INHBA: variants seen among roughly 807,000 people sequenced by gnomAD.
INHBA encodes inhibin beta A chain.
In INHBA, 1 loss-of-function variant was observed where a neutral mutation model predicts 29.0. The observed-to-expected ratio is 0.03, with a 90% CI of 0.01 to 0.16. The LOEUF is 0.16. Among genes scored for constraint, INHBA ranks in the 10% least tolerant of loss-of-function variants. INHBA has a pLI of 1.00. For synonymous variants in INHBA, 242 were observed against 216.8 expected, an observed-to-expected ratio of 1.12 and a Z score of -1.02; for missense variants, 376 against 545.4, an observed-to-expected ratio of 0.69 and a Z score of 3.09.
rs1033176321 is a variant in INHBA, at chr7:41,685,296, A to C, written c.*4354T>G. 6.6e-5 allele frequency: 10 copies of C among 152,162 alleles called. No homozygotes were observed. Among genetic ancestry groups the C allele is most frequent in the Non-Finnish European group, 8.8e-5 (6 of 67,986 alleles). 9.4% of individuals were successfully genotyped at this position (152,162 alleles called of 1,614,324 possible). ...ACACATGAAAACATATCAAACTGTT[A>C]TCTCTTTAAACATATTGTAAATAAA... On this transcript the variant is annotated 3_prime_UTR_variant, in exon 3 of 3. Transcript: ENST00000242208.
rs1794421524 is a variant in INHBA, at chr7:41,687,900, C to G, written c.*1750G>C. ...ACACTAAGTTGGAAAAACATCAGCC[C>G]AGAGTTTTGATTATCATCCTGTTTT... On this transcript the variant is annotated 3_prime_UTR_variant, in exon 3 of 3. Transcript: ENST00000242208. 6.6e-6 allele frequency: 1 copy of G among 152,076 alleles called. No homozygotes were observed. The highest frequency in any genetic ancestry group is 2.4e-5 in the African/African-American group (1 of 41,416). The allele number at this position is 152,076 out of a possible 1,614,324, so 9.4% of individuals were successfully genotyped here.
rs899635685 is a variant in INHBA, at chr7:41,688,543, A to T, written c.*1107T>A. The T allele has an allele frequency of 3.3e-5, 5 of 151,334 alleles. No individual in the cohort carries two copies. Among genetic ancestry groups the T allele is most frequent in the Non-Finnish European group, 4.4e-5 (3 of 67,848 alleles). 9.4% of individuals were successfully genotyped at this position (151,334 alleles called of 1,614,324 possible). A position where few individuals can be genotyped will look rare whatever the true frequency, so the allele number is the denominator to read the frequency against. ...TTTTAAGGTACAAAATAATAATAAT[A>T]ATTATAATTATAATAATAAAAATAG... On this transcript the variant is annotated 3_prime_UTR_variant, in exon 3 of 3. Transcript: ENST00000242208.
At chr7:41,694,813 G>C (rs1328350014) in intron 2 of INHBA, among the ~76,000 whole-genome samples, 1 of 151,968 alleles carries the variant, frequency 6.6e-6, no homozygotes, top group East Asian at 1.9e-4. Flanking sequence ...GAGAGAAAAA[G>C]AGGTGCAGAA....
At position 41,686,348 on chromosome 7, in the gene INHBA, A is replaced by G. The variant is rs1583588491; in HGVS notation, c.*3302T>C. 6.6e-6 allele frequency: 1 copy of G among 152,160 alleles called. No individual in the cohort carries two copies. The highest frequency in any genetic ancestry group is 2.1e-4 in the South Asian group (1 of 4,830). The allele number at this position is 152,160 out of a possible 1,614,324, so 9.4% of individuals were successfully genotyped here. On this transcript the variant is annotated 3_prime_UTR_variant, in exon 3 of 3. Transcript: ENST00000242208. ...GGTGTGGGCAGATTTTTAAGAGCCT[A>G]GAGTTTAGTCTTAGAGAAAGAGTGA...
rs1211954640 is a variant in INHBA at position 41,686,929 on chromosome 7, A to G, written c.*2721T>C. ...CTGTTTCTGCAGGTTCCGGTACCAAAGAAGATGCAGTTCAAAATACTGCCA... is the reference window on the plus strand; with the variant it reads ...CTGTTTCTGCAGGTTCCGGTACCAAGGAAGATGCAGTTCAAAATACTGCCA... On this transcript the variant is annotated 3_prime_UTR_variant, in exon 3 of 3. Coordinates refer to ENST00000242208, the MANE Select transcript of INHBA (RefSeq NM_002192.4). The G allele has an allele frequency of 6.6e-6, 1 of 152,204 alleles. No individual in the cohort carries two copies. The highest frequency in any genetic ancestry group is 1.5e-5 in the Non-Finnish European group (1 of 68,038). The allele number at this position is 152,204 out of a possible 1,614,324, so 9.4% of individuals were successfully genotyped here.
At chr7:41,704,127 T>C (rs1036497432), upstream of INHBA, among the ~76,000 whole-genome samples, 1 of 152,220 alleles carries the variant, frequency 6.6e-6, no homozygotes, top group African/African-American at 2.4e-5. Context: ...TGTTGTTTTG[T>C]ATGCAGGATT....
intron 2 of INHBA, among the ~76,000 whole-genome samples, chr7:41,697,774 A>C (rs913836620): frequency 2.6e-5 from 4 of 152,240 alleles, no homozygotes; most frequent in Non-Finnish European, 5.9e-5. Flanking sequence ...TATTTGCTAC[A>C]ATCATTTGGA....
At chr7:41,701,717 G>A (rs1794800854) in intron 1 of INHBA, among the ~76,000 whole-genome samples, 1 of 152,124 alleles carries the variant, frequency 6.6e-6, no homozygotes, top group Non-Finnish European at 1.5e-5. Context: ...TAAAAAGAGT[G>A]CACTCGTATG....
At chr7:41,698,933 A>G (rs1287128406) in intron 2 of INHBA, among the ~76,000 whole-genome samples, 1 of 152,250 alleles carries the variant, frequency 6.6e-6, no homozygotes. Context: ...CATTCCTTTC[A>G]AATGGAGTTG....
intron 2 of INHBA, among the ~76,000 whole-genome samples, chr7:41,693,397 G>A (rs1013587016): frequency 1.3e-5 from 2 of 152,218 alleles, no homozygotes; most frequent in Non-Finnish European, 2.9e-5. Context: ...GACTACAGAT[G>A]TTTAGGTGGG....
At position 41,687,618 on chromosome 7, in the gene INHBA, T is replaced by G. The variant is rs532550177; in HGVS notation, c.*2032A>C. ...ACACATGAAGAATTTTGGCTGTAAATTAAAATTTTAGAGATTTTTACTACT... is the reference window on the plus strand; with the variant it reads ...ACACATGAAGAATTTTGGCTGTAAAGTAAAATTTTAGAGATTTTTACTACT... On this transcript the variant is annotated 3_prime_UTR_variant, in exon 3 of 3. Coordinates refer to ENST00000242208, the MANE Select transcript of INHBA (RefSeq NM_002192.4). 1.4e-4 allele frequency: 21 copies of G among 152,274 alleles called. No homozygotes were observed. Among genetic ancestry groups the G allele is most frequent in the African/African-American group, 5.1e-4 (21 of 41,552 alleles). The allele number at this position is 152,274 out of a possible 1,614,324, so 9.4% of individuals were successfully genotyped here. A position where few individuals can be genotyped will look rare whatever the true frequency, so the allele number is the denominator to read the frequency against.
At chr7:41,703,790 C>CA (rs751910495), upstream of INHBA, among the ~76,000 whole-genome samples, 6 of 151,446 alleles carry the variant, frequency 4.0e-5, no homozygotes, top group Admixed American at 6.6e-5. Context: ...CACACACACA[C>CA]ACAACAACAA....
intron 2 of INHBA, among the ~76,000 whole-genome samples, chr7:41,698,656 G>C (rs972488797): frequency 6.6e-6 from 1 of 152,198 alleles, no homozygotes; most frequent in Admixed American, 6.5e-5. Context: ...TCTGGTGAGA[G>C]AGCCAAACTG....
chr7:41,702,755 G>A (rs891111806), intron 1 of INHBA, among the ~76,000 whole-genome samples: 11 of 152,150 alleles, frequency 7.2e-5, no homozygotes, highest in Non-Finnish European at 1.5e-4. Flanking sequence ...TACTGTTTGC[G>A]AATGTAACTC....
At chr7:41,695,395 G>A (rs893254691) in intron 2 of INHBA, among the ~76,000 whole-genome samples, 2 of 152,114 alleles carry the variant, frequency 1.3e-5, no homozygotes, top group African/African-American at 4.8e-5. Context: ...CAATGGTAAG[G>A]GTATACACAA....
At position 41,689,806 on chromosome 7, in the gene INHBA, G is replaced by A. The variant is rs142415940; in HGVS notation, c.1125C>T (p.His375=). 619 of 1,614,176 alleles carry A rather than the reference G, an allele frequency of 3.8e-4. 2 individuals carry two copies. The African/African-American group carries it at 7.5e-3, about 20-fold the overall frequency. Residue 375 remains histidine, a synonymous_variant, in exon 3 of 3, where the codon CAC becomes CAT. Transcript: ENST00000242208. ...AGGGGCTATGGCCCCGCATGCGGTA[G>A]TGGTTGATGACTGTTGAGTGGAAGG... is the stretch of plus-strand genomic sequence containing the variant. ...SLSFHSTVIN[H]YRMRGHSPFA...
chr7:41,703,404 G>A (rs573745911), upstream of INHBA, among the ~76,000 whole-genome samples: 5 of 152,162 alleles, frequency 3.3e-5, no homozygotes, highest in Admixed American at 2.0e-4. Context: ...TCGCACACAC[G>A]TCTCGTTATA....
At position 41,700,234 on chromosome 7, in the gene INHBA, T is replaced by C; in HGVS notation, c.141A>G (p.Val47=). The C allele has an allele frequency of 6.2e-7, 1 of 1,613,546 alleles. No individual in the cohort carries two copies. Among genetic ancestry groups the C allele is most frequent in the Non-Finnish European group, 8.5e-7 (1 of 1,179,626 alleles). Residue 47 remains valine (V), a synonymous_variant, in exon 2 of 3, where the codon GTA becomes GTG. Transcript: ENST00000242208. ...CCACCATCTCTGGCTGAGAGTTGGGTACATCCTTTGGGAGGGCGGCCAGCG... is the reference window on the plus strand; with the variant it reads ...CCACCATCTCTGGCTGAGAGTTGGGCACATCCTTTGGGAGGGCGGCCAGCG... ...SCALAALPKD[V]PNSQPEMVEA...
Position 41,687,929 on chromosome 7 carries a change from C to T in INHBA, c.*1721G>A, listed in dbSNP as rs1434424607. 2.0e-5 allele frequency: 3 copies of T among 152,140 alleles called. No homozygotes were observed. The highest frequency in any genetic ancestry group is 7.2e-5 in the African/African-American group (3 of 41,426). The allele number at this position is 152,140 out of a possible 1,614,324, so 9.4% of individuals were successfully genotyped here. On this transcript the variant is annotated 3_prime_UTR_variant, in exon 3 of 3. Transcript: ENST00000242208. ...GTTTTGATTATCATCCTGTTTTCCC[C>T]ACAGGGGATAACTTGTAGAAGTGGG...
Sources: gnomAD v4.1 joint callset for allele counts (sites outside exome capture counted in the v4.1 genomes callset) on GRCh38, gnomAD v4.1.1 for gene constraint, MANE v1.5 for transcripts, NCBI Gene and HGNC (gene_info 2026-07-23, HGNC 2026-07-21) for gene names.